Variants in UTP18 observed in about 807,000 individuals in gnomAD.
UTP18 encodes the protein U3 small nucleolar RNA-associated protein 18 homolog.
In UTP18, 36 loss-of-function variants were observed where a neutral mutation model predicts 61.1. The observed-to-expected ratio is 0.59, with a 90% CI of 0.45 to 0.78. The LOEUF is 0.78. Among genes scored for constraint, UTP18 ranks in the 30% least tolerant of loss-of-function variants. The probability of loss-of-function intolerance (pLI) is 0.00; values close to 1 mark genes in which losing one functional copy is unlikely to be tolerated. For missense variants in UTP18, 753 were observed against 693.9 expected, an observed-to-expected ratio of 1.09 and a Z score of -0.96; for synonymous variants, 282 against 251.1, an observed-to-expected ratio of 1.12 and a Z score of -1.16.
At chr17:51,276,604 A>G (rs1387402287) in intron 6 of UTP18, among the ~76,000 whole-genome samples, 2 of 152,332 alleles carry the variant, frequency 1.3e-5, no homozygotes, top group East Asian at 1.9e-4. Context: ...ACAATAAACA[A>G]CAGACCTGGC....
intron 2 of UTP18, among the ~76,000 whole-genome samples, chr17:51,265,685 T>C (rs1020771020): frequency 1.0e-4 from 15 of 147,926 alleles, no homozygotes; most frequent in Admixed American, 9.0e-4. Context: ...TGCCTCAGCC[T>C]CCTGAGTAGC....
rs1905312024 is a variant in UTP18 at position 51,294,523 on chromosome 17, A to G, written c.1646+478A>G. ...TTTCATCCATGTCCCTAAAAAGGACATGGACTCTTTATTTTTTATGGCTGC... is the reference window on the plus strand; with the variant it reads ...TTTCATCCATGTCCCTAAAAAGGACGTGGACTCTTTATTTTTTATGGCTGC... On this transcript the variant is annotated intron_variant, in intron 12 of 13. Transcript: ENST00000225298. Among the ~76,000 whole-genome samples, 3 of 152,190 alleles carry G rather than the reference A, an allele frequency of 2.0e-5. No individual in the cohort carries two copies. In the South Asian group the frequency reaches 6.2e-4, roughly 32 times the overall value.
chr17:51,270,452 A>G (rs774344576), intron 4 of UTP18, among the ~76,000 whole-genome samples: 7 of 152,132 alleles, frequency 4.6e-5, no homozygotes, highest in Non-Finnish European at 1.0e-4. Flanking sequence ...ACCCCACAAC[A>G]TTTTAGATTC....
chr17:51,290,379 G>C (rs1905211538), intron 11 of UTP18, among the ~76,000 whole-genome samples: 1 of 152,128 alleles, frequency 6.6e-6, no homozygotes, highest in Admixed American at 6.5e-5. Flanking sequence ...TCGTGCCTCT[G>C]TACTCCAGCC....
At chr17:51,287,233 G>C (rs1905142624) in intron 10 of UTP18, among the ~76,000 whole-genome samples, 3 of 152,174 alleles carry the variant, frequency 2.0e-5, no homozygotes. Flanking sequence ...TTGCCCTTCA[G>C]TGTAATTGAT....
At position 51,275,818 on chromosome 17, in the gene UTP18, A is replaced by G. The variant is rs189542925; in HGVS notation, c.712-48A>G. 1.3e-4 allele frequency: 194 copies of G among 1,506,874 alleles called. 2 individuals are homozygous for G. The Middle Eastern group carries it at 1.4e-3, about 11-fold the overall frequency. 93.3% of individuals were successfully genotyped at this position (1,506,874 alleles called of 1,614,324 possible). On this transcript the variant is annotated intron_variant, in intron 5 of 13. Transcript: ENST00000225298. ...TTTTCTTCTTACTCTAAAGAAAATA[A>G]TGTTTATTCATTTCAATTGATAAAA... is the stretch of plus-strand genomic sequence containing the variant.
intron 4 of UTP18, among the ~76,000 whole-genome samples, chr17:51,272,094 G>A (rs979142237): frequency 6.6e-6 from 1 of 151,012 alleles, no homozygotes; most frequent in African/African-American, 2.4e-5. Flanking sequence ...AGTTTTTTTT[G>A]TTGTTGTTGT....
intron 9 of UTP18, among the ~76,000 whole-genome samples, chr17:51,280,993 C>T (rs1018687088): frequency 6.6e-6 from 1 of 151,596 alleles, no homozygotes; most frequent in African/African-American, 2.4e-5. Flanking sequence ...GCCTGGCCAA[C>T]ATGGTAAGAC....
chr17:51,263,230 G>C, intron 1 of UTP18, 44 bp from the exon 2 acceptor site: 2 of 1,551,974 alleles, frequency 1.3e-6, no homozygotes, highest in African/African-American at 2.7e-5. Context: ...TGCAGTCATG[G>C]GATAGGAAAA....
rs547487912 is a variant in UTP18 at position 51,275,912 on chromosome 17, G to A, written c.758G>A (p.Arg253Gln). 7 of 1,611,734 alleles carry A rather than the reference G, an allele frequency of 4.3e-6. No homozygotes were observed. Among genetic ancestry groups the A allele is most frequent in the South Asian group, 1.1e-5 (1 of 90,690 alleles). ...AATGCTGAACGTCCTACTGTTGCTC[G>A]GATCTCATCTGTGCAGTTCCATCCC... ...HANAERPTVA[R>Q]ISSVQFHPGA... Residue 253 changes from arginine to glutamine, a missense_variant, in exon 6 of 14, where the codon CGG becomes CAG. Transcript: ENST00000225298.
At chr17:51,287,860 G>T (rs1320734482) in intron 10 of UTP18, among the ~76,000 whole-genome samples, 169 bp from the exon 11 acceptor site, 2 of 152,212 alleles carry the variant, frequency 1.3e-5, no homozygotes, top group East Asian at 3.9e-4. Flanking sequence ...TTTTCAACCT[G>T]TTTGGTTGGA....
intron 12 of UTP18, among the ~76,000 whole-genome samples, chr17:51,294,761 C>T (rs546422145): frequency 1.3e-5 from 2 of 152,020 alleles, no homozygotes; most frequent in East Asian, 3.9e-4. Flanking sequence ...AGTTCTAGAT[C>T]CCTGAGGAAT....
chr17:51,296,949 T>C lies in UTP18; in HGVS notation c.1647-16T>C, dbSNP rs188767705. 86 of 1,605,060 alleles carry C rather than the reference T, an allele frequency of 5.4e-5. No homozygotes were observed. In the African/African-American group the frequency reaches 9.8e-4, roughly 18 times the overall value. On this transcript the variant is annotated splice_polypyrimidine_tract_variant and intron_variant, in intron 12 of 13. Transcript: ENST00000225298. ...ATTACAAAGTTGTTCAGATGACTTATTTTTTACTTTTCCAGGTTGCACCAT... is the reference window on the plus strand; with the variant it reads ...ATTACAAAGTTGTTCAGATGACTTACTTTTTACTTTTCCAGGTTGCACCAT...
At chr17:51,288,366 A>G (rs1184611728) in intron 11 of UTP18, among the ~76,000 whole-genome samples, 163 bp downstream of exon 11, 1 of 152,236 alleles carries the variant, frequency 6.6e-6, no homozygotes, top group East Asian at 1.9e-4. Flanking sequence ...TGTTGGAAGG[A>G]TGCACAGTAG....
chr17:51,263,128 C>T, intron 1 of UTP18, 146 bp from the exon 2 acceptor site: 1 of 661,456 alleles, frequency 1.5e-6, no homozygotes, highest in Non-Finnish European at 2.6e-6. Flanking sequence ...CTGCTTCCAG[C>T]ATTTGCAATG....
In UTP18 at chr17:51,268,953, G is replaced by A. The variant is rs747532121; in HGVS notation, c.622+49G>A. Reference sequence around the variant, plus strand: ...AATTAGTACATAAGTCCCTGTTCCTGTTCGTTATTATTTGAGCTTTCTTAT... The same window carrying A: ...AATTAGTACATAAGTCCCTGTTCCTATTCGTTATTATTTGAGCTTTCTTAT... On this transcript the variant is annotated intron_variant, in intron 4 of 13. Transcript: ENST00000225298. 5 of 1,564,244 alleles carry A rather than the reference G, an allele frequency of 3.2e-6. No individual in the cohort carries two copies. In the Admixed American group the frequency reaches 8.4e-5, roughly 26 times the overall value.
chr17:51,265,216 G>A (rs111684070), intron 2 of UTP18, among the ~76,000 whole-genome samples: 3 of 151,516 alleles, frequency 2.0e-5, no homozygotes, highest in African/African-American at 7.3e-5. Flanking sequence ...TTAACAGAGA[G>A]AGACAAATGT....
chr17:51,280,073 A>G lies in UTP18; in HGVS notation c.1081A>G (p.Ile361Val), dbSNP rs1051668931. 19 of 1,613,872 alleles carry G rather than the reference A, an allele frequency of 1.2e-5. No homozygotes were observed. Among genetic ancestry groups the G allele is most frequent in the Non-Finnish European group, 1.6e-5 (19 of 1,179,882 alleles). ...TGGGTCCTTCTTGCTCATAAATGGC[A>G]TTGCTGGATATTTGCATTTGCTAGC... ...PDGSFLLING[I>V]AGYLHLLAMK... Residue 361 changes from isoleucine (I) to valine (V), a missense_variant, in exon 8 of 14, where the codon ATT (isoleucine) becomes GTT (valine). Coordinates refer to ENST00000225298, the MANE Select transcript of UTP18 (RefSeq NM_016001.3).
intron 2 of UTP18, among the ~76,000 whole-genome samples, chr17:51,265,776 A>G (rs2055554869): frequency 6.6e-6 from 1 of 150,544 alleles, no homozygotes; most frequent in Non-Finnish European, 1.5e-5. Flanking sequence ...GTTGGCCAAG[A>G]TGGTCTGGAT....
Sources: allele counts gnomAD v4.1 joint callset (sites outside exome capture counted in the v4.1 genomes callset), GRCh38; gene constraint gnomAD v4.1.1; transcripts MANE v1.5; gene names NCBI Gene and HGNC (gene_info 2026-07-23, HGNC 2026-07-21).